CARMIL1: variants seen among roughly 807,000 people sequenced by gnomAD.
CARMIL1 encodes the protein F-actin-uncapping protein LRRC16A.
Under a neutral mutation model 177.1 loss-of-function variants are expected in CARMIL1, and 90 were observed. The ratio of observed to expected loss-of-function variants is 0.51; its 90% CI spans 0.43 to 0.61. The LOEUF is 0.61. Among genes scored for constraint, CARMIL1 ranks in the 20% least tolerant of loss-of-function variants. The pLI is 0.00. For missense variants in CARMIL1, 1,380 were observed against 1,667.0 expected (o/e 0.83, Z 3.00); for synonymous variants, 577 against 606.2 (o/e 0.95, Z 0.71).
chr6:25,483,612 A>G (rs1802331626), intron 12 of CARMIL1, among the ~76,000 whole-genome samples: 1 of 142,788 alleles, frequency 7.0e-6, no homozygotes, highest in African/African-American at 2.6e-5. Context: ...GAGCAACCTT[A>G]GTGTCCTTAC....
rs569652384 is a variant in CARMIL1, at chr6:25,367,594, G to A, written c.139-52520G>A. Among the ~76,000 whole-genome samples, 117 of 152,236 alleles carry A rather than the reference G, an allele frequency of 7.7e-4. 1 individual carries two copies. Among genetic ancestry groups the A allele is most frequent in the Non-Finnish European group, 1.2e-3 (83 of 68,006 alleles). On this transcript the variant is annotated intron_variant, in intron 2 of 36. Coordinates refer to ENST00000329474, the MANE Select transcript of CARMIL1 (RefSeq NM_017640.6). ...GTCCTGTTAAGGCTTGAAGAGGAAG[G>A]TAAGGAGGGTAAGACTTGGAGAGGG...
chr6:25,416,557 T>C (rs988079903), intron 2 of CARMIL1, among the ~76,000 whole-genome samples: 5 of 152,230 alleles, frequency 3.3e-5, no homozygotes, highest in African/African-American at 1.2e-4. Context: ...ATTACTATGT[T>C]TGTGAAAGGA....
chr6:25,495,539 G>A (rs1803618605), intron 16 of CARMIL1, among the ~76,000 whole-genome samples: 1 of 3,132 alleles, frequency 3.2e-4, no homozygotes, highest in African/African-American at 4.9e-4. Context: ...TCGTTTGTTC[G>A]TGTGTGTGTG....
At chr6:25,282,600 T>G (rs968212601) in intron 1 of CARMIL1, among the ~76,000 whole-genome samples, 3 of 152,230 alleles carry the variant, frequency 2.0e-5, no homozygotes, top group Admixed American at 1.3e-4. Context: ...AACATATATT[T>G]GTTAAACTAC....
chr6:25,607,931 C>A (rs1481303502), intron 35 of CARMIL1, among the ~76,000 whole-genome samples: 1 of 152,108 alleles, frequency 6.6e-6, no homozygotes, highest in African/African-American at 2.4e-5. Context: ...AAACTTTTTC[C>A]CAAACCAAAG....
At position 25,302,338 on chromosome 6, in the gene CARMIL1, T is replaced by A. The variant is rs143173288; in HGVS notation, c.138+17429T>A. Among the ~76,000 whole-genome samples, 660 of 152,284 alleles carry A rather than the reference T, an allele frequency of 4.3e-3. 7 individuals are homozygous for A. Among genetic ancestry groups the A allele is most frequent in the African/African-American group, 0.014 (600 of 41,552 alleles). The stretch of plus-strand genomic sequence containing the variant: ...ATTGTTGCTCAGATGGTTGGCTGAG[T>A]TCCATTAGGGTAATATATTCTGGGA... On this transcript the variant is annotated intron_variant, in intron 2 of 36. Transcript: ENST00000329474.
intron 20 of CARMIL1, among the ~76,000 whole-genome samples, chr6:25,512,174 G>A (rs7769572): frequency 0.44 from 66,357 of 151,864 alleles, 14,891 homozygotes; most frequent in Middle Eastern, 0.52. Context: ...AGGAAAATTT[G>A]TATTTTTATG....
At chr6:25,317,773 C>T (rs1455332154) in intron 2 of CARMIL1, among the ~76,000 whole-genome samples, 1 of 151,860 alleles carries the variant, frequency 6.6e-6, no homozygotes, top group African/African-American at 2.4e-5. Flanking sequence ...CTATGTCACC[C>T]AGGTTGATCT....
At chr6:25,616,041 C>T (rs915320350) in intron 36 of CARMIL1, among the ~76,000 whole-genome samples, 1 of 152,154 alleles carries the variant, frequency 6.6e-6, no homozygotes, top group African/African-American at 2.4e-5. Flanking sequence ...AATAAATTAC[C>T]TGTTCATTTA....
At chr6:25,602,280 G>C (rs1815487258) in intron 33 of CARMIL1, among the ~76,000 whole-genome samples, 1 of 152,138 alleles carries the variant, frequency 6.6e-6, no homozygotes. Flanking sequence ...GCCCTCACTG[G>C]TCAGAATTCT....
chr6:25,385,320 G>C (rs1454179535), intron 2 of CARMIL1, among the ~76,000 whole-genome samples: 1 of 152,218 alleles, frequency 6.6e-6, no homozygotes, highest in Non-Finnish European at 1.5e-5. Context: ...TGCTGGTGAG[G>C]TGTGGGGAAG....
intron 2 of CARMIL1, among the ~76,000 whole-genome samples, chr6:25,360,160 C>T (rs1333796703): frequency 4.6e-5 from 7 of 152,138 alleles, no homozygotes; most frequent in Non-Finnish European, 8.8e-5. Context: ...ATTGTAAAAC[C>T]TGCACTGCAT....
intron 1 of CARMIL1, among the ~76,000 whole-genome samples, chr6:25,281,348 C>T (rs974731370): frequency 6.6e-6 from 1 of 151,962 alleles, no homozygotes; most frequent in Non-Finnish European, 1.5e-5. Flanking sequence ...GAGTGTAGGG[C>T]AGGGCTTGCC....
rs138930430 is a variant in CARMIL1 at position 25,438,943 on chromosome 6, G to C, written c.371+3339G>C. On this transcript the variant is annotated intron_variant, in intron 5 of 36. Transcript: ENST00000329474. Reference sequence around the variant, plus strand: ...AATTTGGACACTTGTAGTAATCTAGGCAAGAGATGACTGTGGTCAGGAGAA... The same window carrying C: ...AATTTGGACACTTGTAGTAATCTAGCCAAGAGATGACTGTGGTCAGGAGAA... 4.2e-3 allele frequency among the ~76,000 whole-genome samples: 633 copies of C among 152,204 alleles called. 4 individuals are homozygous for C. The highest frequency in any genetic ancestry group is 0.014 in the African/African-American group (593 of 41,520).
At chr6:25,366,320 T>C (rs997940549) in intron 2 of CARMIL1, among the ~76,000 whole-genome samples, 1 of 152,090 alleles carries the variant, frequency 6.6e-6, no homozygotes, top group African/African-American at 2.4e-5. Flanking sequence ...GAACTAGCTA[T>C]TCCCTCTGCC....
In CARMIL1 at chr6:25,509,676, A is replaced by C; in HGVS notation, c.1416A>C (p.Gln472His). ...SNCELRSGGA[Q>H]VLEGCIAEIH... ...TCTAGCTGAGATCAGGAGGTGCTCA[A>C]GTATTAGAAGGTTGCATTGCTGAAA... Residue 472 changes from glutamine (Q) to histidine (H), a missense_variant, in exon 18 of 37, where the codon CAA becomes CAC. Transcript: ENST00000329474. The surrounding 1 kb of genome is among the most constrained non-coding windows in gnomAD (Gnocchi z 4.1). The C allele has an allele frequency of 2.5e-6, 4 of 1,603,574 alleles. No homozygotes were observed. The highest frequency in any genetic ancestry group is 3.4e-6 in the Non-Finnish European group (4 of 1,174,578).
intron 2 of CARMIL1, among the ~76,000 whole-genome samples, chr6:25,289,292 T>G (rs1781756659): frequency 6.6e-6 from 1 of 152,236 alleles, no homozygotes; most frequent in Admixed American, 6.5e-5. Context: ...TTTATTTGAC[T>G]CTAATTCCCT....
At chr6:25,572,097 T>G (rs1304002187) in intron 29 of CARMIL1, among the ~76,000 whole-genome samples, 2 of 152,194 alleles carry the variant, frequency 1.3e-5, no homozygotes, top group Non-Finnish European at 2.9e-5. Context: ...TATGGTTATA[T>G]AGGAAAATAT....
intron 13 of CARMIL1, among the ~76,000 whole-genome samples, chr6:25,489,347 G>A (rs1203928987): frequency 1.3e-5 from 2 of 152,162 alleles, no homozygotes; most frequent in East Asian, 1.9e-4. Flanking sequence ...CGTCTATTCC[G>A]TGAATAAAAT....
Sources: gnomAD v4.1 joint callset for allele counts (sites outside exome capture counted in the v4.1 genomes callset) on GRCh38, gnomAD v4.1.1 for gene constraint, Gnocchi (gnomAD v3.1) non-coding constraint, MANE v1.5 for transcripts, NCBI Gene and HGNC (gene_info 2026-07-23, HGNC 2026-07-21) for gene names.